Variants in SAMD5 observed in about 807,000 individuals in gnomAD.
SAMD5 encodes sterile alpha motif domain-containing protein 5.
SAMD5 carries 13 observed loss-of-function variants against 11.3 expected under a neutral mutation model. The observed-to-expected ratio is 1.15, with a 90% CI of 0.75 to 1.83. The LOEUF (loss-of-function observed/expected upper bound fraction) is 1.83, where lower values mean the gene tolerates loss of function less well. Among genes scored for constraint, SAMD5 ranks in the 40% most tolerant of loss-of-function variants. SAMD5 has a pLI of 0.00. For missense variants in SAMD5, 255 were observed against 239.1 expected, an observed-to-expected ratio of 1.07 and a Z score of -0.44; for synonymous variants, 129 against 111.3, an observed-to-expected ratio of 1.16 and a Z score of -1.00.
the SAMD5 span, among the ~76,000 whole-genome samples, chr6:147,784,107 C>T: frequency 6.6e-6 from 1 of 152,146 alleles, no homozygotes; most frequent in African/African-American, 2.4e-5. Flanking sequence ...CCTTTCAGAG[C>T]CACCACCTAC....
At chr6:147,802,058 AC>A in the SAMD5 span, among the ~76,000 whole-genome samples, 500 of 152,320 alleles carry the variant, frequency 3.3e-3, 2 homozygotes, top group African/African-American at 0.011. Flanking sequence ...AAACTGATAA[AC>A]TAAATTTTAT....
the SAMD5 span, among the ~76,000 whole-genome samples, chr6:147,808,026 T>C: frequency 6.6e-6 from 1 of 152,204 alleles, no homozygotes; most frequent in Non-Finnish European, 1.5e-5. Flanking sequence ...TCTTGAATGT[T>C]TTCTGAAAGA....
At chr6:147,801,507 T>C in the SAMD5 span, among the ~76,000 whole-genome samples, 1 of 152,154 alleles carries the variant, frequency 6.6e-6, no homozygotes, top group Admixed American at 6.5e-5. Flanking sequence ...AGGGAAGCCT[T>C]CTCCAAAGCC....
intron 1 of SAMD5, among the ~76,000 whole-genome samples, chr6:147,669,054 C>T (rs892932198): frequency 1.3e-5 from 2 of 152,154 alleles, no homozygotes; most frequent in Admixed American, 6.5e-5. Flanking sequence ...GGTTGCAGAA[C>T]GTTGGGCTGG....
At chr6:147,841,422 C>T in the SAMD5 span, among the ~76,000 whole-genome samples, 3 of 152,180 alleles carry the variant, frequency 2.0e-5, no homozygotes, top group African/African-American at 2.4e-5. Flanking sequence ...GATTCAAGAT[C>T]GAGTTTAAAG....
intron 1 of SAMD5, among the ~76,000 whole-genome samples, chr6:147,646,984 TAATAATAATAA>T (rs1230125332): frequency 2.3e-5 from 1 of 44,176 alleles, no homozygotes; most frequent in Non-Finnish European, 6.6e-5. Context: ...ATAATAATAA[TAATAATAATAA>T]TAATAATAAT....
chr6:147,853,487 T>A, the SAMD5 span, among the ~76,000 whole-genome samples: 2 of 151,966 alleles, frequency 1.3e-5, no homozygotes, highest in South Asian at 4.1e-4. Flanking sequence ...CCTGATCAGA[T>A]CAAGCAGAAA....
intron 1 of SAMD5, among the ~76,000 whole-genome samples, chr6:147,657,883 T>C (rs1421018189): frequency 6.6e-6 from 1 of 152,224 alleles, no homozygotes; most frequent in African/African-American, 2.4e-5. Context: ...TGTAAACATA[T>C]GAATTTTGGA....
chr6:147,617,606 C>T (rs1288793043), intron 1 of SAMD5, among the ~76,000 whole-genome samples: 3 of 152,202 alleles, frequency 2.0e-5, no homozygotes, highest in Non-Finnish European at 2.9e-5. Context: ...ATTGAAATTG[C>T]TCTGGCAGAT....
intron 1 of SAMD5, among the ~76,000 whole-genome samples, chr6:147,532,250 G>A (rs1415883821): frequency 6.6e-6 from 1 of 152,138 alleles, no homozygotes. Context: ...AGTGCACACT[G>A]TACCCATTAG....
intron 1 of SAMD5, among the ~76,000 whole-genome samples, chr6:147,702,095 A>G (rs905594451): frequency 1.3e-5 from 2 of 152,232 alleles, no homozygotes; most frequent in Non-Finnish European, 2.9e-5. Flanking sequence ...AAGCCTCACC[A>G]TCATGGCGGA....
rs3031353 is a variant in SAMD5, at chr6:147,579,454, ATTTTTTTTTT to A, written c.162+70087_162+70096del. Among the ~76,000 whole-genome samples the A allele has an allele frequency of 2.3e-4, 18 of 76,918 alleles. 1 individual carries two copies. The highest frequency in any genetic ancestry group is 1.9e-3 in the Admixed American group (10 of 5,130). The allele number at this position is 76,918 out of a possible 152,430, so 50.5% of individuals were successfully genotyped here. A position where few individuals can be genotyped will look rare whatever the true frequency, so the allele number is the denominator to read the frequency against. ...GCGATAGTTTGGAAGCAGGCTTTGA[ATTTTTTTTTT>A]TTTTTTTTTTTTTTTTTTTGAGACG... is the stretch of plus-strand genomic sequence containing the variant. On this transcript the variant is annotated intron_variant, in intron 1 of 1. Transcript: ENST00000566741.
chr6:147,585,100 G>A (rs1177732761), intron 1 of SAMD5, among the ~76,000 whole-genome samples: 1 of 152,120 alleles, frequency 6.6e-6, no homozygotes, highest in African/African-American at 2.4e-5. Context: ...CCACTTCCAT[G>A]AGCCACTCTT....
At chr6:147,612,355 T>C (rs1401561284) in intron 1 of SAMD5, among the ~76,000 whole-genome samples, 1 of 152,246 alleles carries the variant, frequency 6.6e-6, no homozygotes, top group Non-Finnish European at 1.5e-5. Flanking sequence ...GCCTAAATCA[T>C]ATTTTTTAAT....
chr6:147,853,715 G>A, the SAMD5 span, among the ~76,000 whole-genome samples: 2 of 151,562 alleles, frequency 1.3e-5, no homozygotes, highest in Admixed American at 6.6e-5. Context: ...TTGCTCTGTT[G>A]GATATGTTTC....
the SAMD5 span, among the ~76,000 whole-genome samples, chr6:147,858,587 G>T: frequency 1.3e-5 from 2 of 152,188 alleles, no homozygotes; most frequent in African/African-American, 4.8e-5. Context: ...AAATGATAAA[G>T]TGCTTATAAT....
At chr6:147,523,863 C>T (rs9485197) in intron 1 of SAMD5, among the ~76,000 whole-genome samples, 6,494 of 152,150 alleles carry the variant, frequency 0.043, 460 homozygotes, top group African/African-American at 0.15. Context: ...AGTTGCTGCC[C>T]GGGATCACAC....
At chr6:147,742,022 A>G (rs921233165), downstream of SAMD5, 14 of 152,254 alleles carry the variant, frequency 9.2e-5, no homozygotes, top group African/African-American at 3.4e-4. Flanking sequence ...CATATTCAAC[A>G]TGCAAAGACT....
At chr6:147,930,107 C>T in the SAMD5 span, among the ~76,000 whole-genome samples, 33,756 of 152,000 alleles carry the variant, frequency 0.22, 4,154 homozygotes, top group South Asian at 0.44. Flanking sequence ...CAGCCATCCA[C>T]GAAACTCTAG....
Sources: allele counts gnomAD v4.1 joint callset (sites outside exome capture counted in the v4.1 genomes callset), GRCh38; gene constraint gnomAD v4.1.1; transcripts MANE v1.5; gene names NCBI Gene and HGNC (gene_info 2026-07-23, HGNC 2026-07-21).